Variants in ATOSA observed in about 807,000 individuals in gnomAD.
The protein encoded by ATOSA is atos homolog protein A.
chr15:52,606,670 T>C, the ATOSA span, among the ~76,000 whole-genome samples: 1 of 152,176 alleles, frequency 6.6e-6, no homozygotes, highest in East Asian at 1.9e-4. Flanking sequence ...GAAAAGATCA[T>C]AAGAACCGAA....
chr15:52,689,235 A>G, the ATOSA span, among the ~76,000 whole-genome samples: 7 of 152,206 alleles, frequency 4.6e-5, no homozygotes, highest in Non-Finnish European at 1.0e-4. Flanking sequence ...GCAGCCACAT[A>G]TGAAAAACTA....
At chr15:52,706,160 G>T in the ATOSA span, among the ~76,000 whole-genome samples, 15 of 152,236 alleles carry the variant, frequency 9.9e-5, no homozygotes, top group African/African-American at 3.4e-4. Context: ...CTTTTGGAAG[G>T]ATATTAATGT....
the ATOSA span, among the ~76,000 whole-genome samples, chr15:52,642,946 G>C: frequency 6.6e-6 from 1 of 152,034 alleles, no homozygotes; most frequent in Non-Finnish European, 1.5e-5. Flanking sequence ...GGGATTACTG[G>C]TGTGAGCCTC....
the ATOSA span, among the ~76,000 whole-genome samples, chr15:52,583,194 A>G: frequency 6.6e-6 from 1 of 152,210 alleles, no homozygotes; most frequent in Non-Finnish European, 1.5e-5. Flanking sequence ...AGGTTTCTTT[A>G]AAGTATCCTG....
At chr15:52,663,884 C>T in the ATOSA span, among the ~76,000 whole-genome samples, 1 of 152,060 alleles carries the variant, frequency 6.6e-6, no homozygotes, top group Non-Finnish European at 1.5e-5. Flanking sequence ...CCTCGGTAAT[C>T]AAAACTTTCC....
At chr15:52,687,734 T>G in the ATOSA span, among the ~76,000 whole-genome samples, 7 of 152,166 alleles carry the variant, frequency 4.6e-5, no homozygotes, top group African/African-American at 1.2e-4. Flanking sequence ...AGAGGTTTTT[T>G]TTTGTTTGTT....
chr15:52,678,369 C>A, the ATOSA span: 1 of 400,380 alleles, frequency 2.5e-6, no homozygotes, highest in Non-Finnish European at 4.6e-6. Context: ...AAAACAGGAT[C>A]TATTTATAAC....
At chr15:52,671,074 G>C in the ATOSA span, among the ~76,000 whole-genome samples, 2 of 152,212 alleles carry the variant, frequency 1.3e-5, no homozygotes, top group East Asian at 1.9e-4. Flanking sequence ...TTCAGCACAG[G>C]GGGTGGACAT....
chr15:52,674,644 A>G, the ATOSA span, among the ~76,000 whole-genome samples: 3 of 152,164 alleles, frequency 2.0e-5, no homozygotes, highest in Admixed American at 6.5e-5. Flanking sequence ...ATTTTCTCAG[A>G]TAACTATATA....
chr15:52,702,190 C>G, the ATOSA span, among the ~76,000 whole-genome samples: 412 of 152,260 alleles, frequency 2.7e-3, 2 homozygotes, highest in Non-Finnish European at 4.9e-3. Flanking sequence ...AGTTCAGCCA[C>G]TGTGGAAAGC....
the ATOSA span, among the ~76,000 whole-genome samples, chr15:52,707,265 G>GT: frequency 3.9e-5 from 6 of 152,182 alleles, no homozygotes; most frequent in Admixed American, 3.9e-4. Context: ...TCCGCAAATT[G>GT]TTTATTGATT....
At chr15:52,691,216 A>C in the ATOSA span, among the ~76,000 whole-genome samples, 1 of 152,172 alleles carries the variant, frequency 6.6e-6, no homozygotes, top group Non-Finnish European at 1.5e-5. Context: ...TTTATCATTC[A>C]AACTTTTACA....
At chr15:52,617,181 G>C in the ATOSA span, among the ~76,000 whole-genome samples, 1 of 152,008 alleles carries the variant, frequency 6.6e-6, no homozygotes, top group Admixed American at 6.6e-5. Context: ...AGGTCATAAG[G>C]GTGGTAACGC....
At chr15:52,671,860 G>A in the ATOSA span, among the ~76,000 whole-genome samples, 1 of 151,190 alleles carries the variant, frequency 6.6e-6, no homozygotes, top group Non-Finnish European at 1.5e-5. Context: ...AACCTAAAAG[G>A]CAGCTAGTGG....
chr15:52,603,607 A>AATAC, the ATOSA span, among the ~76,000 whole-genome samples: 1 of 86 alleles, frequency 0.012, no homozygotes, highest in Non-Finnish European at 0.023. Context: ...TAGATGAATG[A>AATAC]AGAAAATGTA....
chr15:52,595,916 C>T, the ATOSA span, among the ~76,000 whole-genome samples: 1 of 151,994 alleles, frequency 6.6e-6, no homozygotes, highest in Admixed American at 6.6e-5. Flanking sequence ...TTACGAAAAG[C>T]CTGTGCAAAC....
chr15:52,694,904 C>CTT, the ATOSA span, among the ~76,000 whole-genome samples: 7 of 140,338 alleles, frequency 5.0e-5, no homozygotes, highest in African/African-American at 1.8e-4. Flanking sequence ...CCCCATTATT[C>CTT]TTTTTTTTTT....
At chr15:52,640,056 C>A in the ATOSA span, among the ~76,000 whole-genome samples, 1 of 151,916 alleles carries the variant, frequency 6.6e-6, no homozygotes, top group East Asian at 1.9e-4. Flanking sequence ...CCGTGCCTGG[C>A]CGATGAATAT....
chr15:52,651,927 G>A, the ATOSA span: 3 of 1,535,382 alleles, frequency 2.0e-6, no homozygotes, highest in Non-Finnish European at 1.7e-6. Context: ...TTGTATAAAG[G>A]AAGTTGCCTT....
Sources: gnomAD v4.1 joint callset for allele counts (sites outside exome capture counted in the v4.1 genomes callset) on GRCh38, gnomAD v4.1.1 for gene constraint, MANE v1.5 for transcripts, NCBI Gene and HGNC (gene_info 2026-07-23, HGNC 2026-07-21) for gene names.